The following FRMD7 variants were observed in gnomAD, a reference collection of about 807,000 sequenced individuals.
FRMD7 encodes FERM domain-containing protein 7.
FRMD7 carries 14 observed loss-of-function variants against 44.1 expected under a neutral mutation model. The observed-to-expected ratio is 0.32, with a 90% CI of 0.21 to 0.50. The LOEUF is 0.50. Among genes scored for constraint, FRMD7 ranks in the 20% least tolerant of loss-of-function variants. FRMD7 has a pLI of 0.99. For missense variants in FRMD7, 501 were observed against 522.3 expected (o/e 0.96, Z 0.40); for synonymous variants, 212 against 187.4 (o/e 1.13, Z -1.07).
In FRMD7 at chrX:132,077,985, G is replaced by A. The variant is rs1213344421; in HGVS notation, c.2032C>T (p.Arg678Cys). 6 of 1,209,136 alleles carry A rather than the reference G, an allele frequency of 5.0e-6. No individual in the cohort carries two copies. Among genetic ancestry groups the A allele is most frequent in the East Asian group, 3.0e-5 (1 of 33,739 alleles). The change falls in exon 12 of 12, where the codon CGC (arginine) becomes TGC (cysteine). Residue 678 changes from arginine (R) to cysteine (C), a missense_variant. This residue lies in a region of FRMD7 where 453 missense variants were observed against 452.7 expected (regional missense o/e 1.00). Transcript: ENST00000298542. Reference sequence around the variant, plus strand: ...AACTGTAGACTACCAGAAGACAGGCGGATTCTGGCCATGGGTGACCTTATT... The same window carrying A: ...AACTGTAGACTACCAGAAGACAGGCAGATTCTGGCCATGGGTGACCTTATT... ...KEIRSPMARIRLSSGSLQLDE... is the reference protein window; with the variant it reads ...KEIRSPMARICLSSGSLQLDE...
intron 1 of FRMD7, among the ~76,000 whole-genome samples, chrX:132,108,890 G>A (rs774877755): frequency 2.3e-4 from 26 of 111,190 alleles, no homozygotes; most frequent in Admixed American, 4.8e-4. Flanking sequence ...GTGCCCGTCC[G>A]CCATGATTGT....
intron 1 of FRMD7, among the ~76,000 whole-genome samples, chrX:132,118,222 G>T (rs1396847673): frequency 9.0e-6 from 1 of 110,770 alleles, no homozygotes; most frequent in East Asian, 2.8e-4. Flanking sequence ...ACTTGCAGTT[G>T]TATGACCTTG....
At chrX:132,094,560 G>A (rs753697627) in intron 4 of FRMD7, among the ~76,000 whole-genome samples, 1 of 112,186 alleles carries the variant, frequency 8.9e-6, no homozygotes, top group South Asian at 3.7e-4. Flanking sequence ...AACTTAGGAG[G>A]TTGGTGGAGC....
intron 1 of FRMD7, among the ~76,000 whole-genome samples, chrX:132,110,565 A>G (rs1928752404): frequency 9.0e-6 from 1 of 111,460 alleles, no homozygotes; most frequent in South Asian, 3.8e-4. Context: ...ACCTTTATGC[A>G]TCACTTTGCT....
chrX:132,103,486 GTCTATCTATCTATCTA>G (rs34605425), intron 1 of FRMD7, among the ~76,000 whole-genome samples: 133 of 98,368 alleles, frequency 1.4e-3, no homozygotes, highest in South Asian at 9.5e-3. Flanking sequence ...GCCTTTAAAT[GTCTATCTATCTATCTA>G]TCTATCTATC....
In FRMD7 at chrX:132,078,550, A is replaced by G; in HGVS notation, c.1467T>C (p.Gly489=). 4 of 1,211,691 alleles carry G rather than the reference A, an allele frequency of 3.3e-6. No homozygotes were observed. The highest frequency in any genetic ancestry group is 4.5e-6 in the Non-Finnish European group (4 of 895,442). The change falls in exon 12 of 12, where the codon GGT becomes GGC. Residue 489 remains glycine (G), a synonymous_variant. Coordinates refer to ENST00000298542, the MANE Select transcript of FRMD7 (RefSeq NM_194277.3). ...PYIPCTGQQV[G]IMPPQVFFYV... is the part of the protein sequence containing the mutation. ...AAAAAAAGACCTGGGGAGGCATAATACCAACCTGCTGACCTGTACAAGGAA... is the reference window on the plus strand; with the variant it reads ...AAAAAAAGACCTGGGGAGGCATAATGCCAACCTGCTGACCTGTACAAGGAA...
rs150701717 is a variant in FRMD7, at chrX:132,088,557, C to CA, written c.383-2524dup. On this transcript the variant is annotated intron_variant, in intron 5 of 11. Coordinates refer to ENST00000298542, the MANE Select transcript of FRMD7 (RefSeq NM_194277.3). ...TGGGTGAATGAGTGAGGCCCTGTCT[C>CA]AAAAAAAAAAAAAGGAAAAAAAGGA... Among the ~76,000 whole-genome samples, 454 of 70,323 alleles carry CA rather than the reference C, an allele frequency of 6.5e-3. 5 individuals are homozygous for CA. The highest frequency in any genetic ancestry group is 0.015 in the African/African-American group (303 of 20,366). The allele number at this position is 70,323 out of a possible 115,157, so 61.1% of individuals were successfully genotyped here. A position where few individuals can be genotyped will look rare whatever the true frequency, so the allele number is the denominator to read the frequency against.
At chrX:132,094,011 G>T in intron 5 of FRMD7, 31 bp downstream of exon 5, 1 of 896,532 alleles carries the variant, frequency 1.1e-6, no homozygotes. Context: ...TGGCTGATAG[G>T]TCCCAAAGCA....
At chrX:132,082,226 G>T in intron 9 of FRMD7, 137 bp downstream of exon 9, 4 of 600,401 alleles carry the variant, frequency 6.7e-6, no homozygotes, top group Non-Finnish European at 1.2e-5. Context: ...TACAGAGAAT[G>T]AGCAGGAAAG....
chrX:132,111,960 A>G (rs767781244), intron 1 of FRMD7, among the ~76,000 whole-genome samples: 1 of 112,187 alleles, frequency 8.9e-6, no homozygotes, highest in Non-Finnish European at 1.9e-5. Context: ...ACATCCAGGA[A>G]TCTCAGAACT....
intron 1 of FRMD7, among the ~76,000 whole-genome samples, chrX:132,120,584 C>T (rs185881886): frequency 3.1e-4 from 35 of 112,848 alleles, no homozygotes; most frequent in Non-Finnish European, 5.8e-4. Flanking sequence ...GTTCCCTCCT[C>T]CTTTCAGCTG....
At chrX:132,095,717 G>A (rs1928311990) in intron 4 of FRMD7, among the ~76,000 whole-genome samples, 1 of 112,429 alleles carries the variant, frequency 8.9e-6, no homozygotes, top group Non-Finnish European at 1.9e-5. Flanking sequence ...TATTAGCCTA[G>A]ACAAGGCATC....
In FRMD7 at chrX:132,103,189, A is replaced by C. The variant is rs186566011; in HGVS notation, c.58-2473T>G. Among the ~76,000 whole-genome samples the C allele has an allele frequency of 8.9e-5, 10 of 112,029 alleles. No homozygotes were observed. The East Asian group carries it at 1.7e-3, about 19-fold the overall frequency. ...GGTAAGGTCTTGGTTCTGTCTCAAC[A>C]TGCAGCCTTTAATTTTTTCTACCAT... On this transcript the variant is annotated intron_variant, in intron 1 of 11. Transcript: ENST00000298542.
intron 1 of FRMD7, among the ~76,000 whole-genome samples, chrX:132,118,424 G>C (rs759544715): frequency 2.0e-5 from 2 of 102,326 alleles, no homozygotes; most frequent in East Asian, 6.1e-4. Context: ...AGGGAAAAAA[G>C]AAAAAAAAAA....
intron 1 of FRMD7, among the ~76,000 whole-genome samples, chrX:132,113,586 T>C (rs1489988385): frequency 8.9e-6 from 1 of 111,757 alleles, no homozygotes; most frequent in South Asian, 3.8e-4. Flanking sequence ...CTAGAACTTG[T>C]TTTTTTCATT....
intron 1 of FRMD7, among the ~76,000 whole-genome samples, chrX:132,117,298 C>T (rs5933079): frequency 0.33 from 35,971 of 110,451 alleles, 4,642 homozygotes; most frequent in African/African-American, 0.44. Flanking sequence ...GCCCTGCCGT[C>T]ATGAGAAGAA....
intron 5 of FRMD7, among the ~76,000 whole-genome samples, chrX:132,091,670 C>CAAA (rs35822147): frequency 1.0e-4 from 5 of 48,123 alleles, no homozygotes; most frequent in African/African-American, 3.6e-4. Flanking sequence ...ACTAAAAATA[C>CAAA]AAAAAAAAAA....
chrX:132,083,213 CT>C (rs1251904409), intron 8 of FRMD7, among the ~76,000 whole-genome samples: 1 of 112,071 alleles, frequency 8.9e-6, no homozygotes, highest in African/African-American at 3.2e-5. Context: ...ACCTCAACCT[CT>C]TAAAGCACTG....
chrX:132,105,199 C>A (rs1928614120), intron 1 of FRMD7, among the ~76,000 whole-genome samples: 1 of 111,598 alleles, frequency 9.0e-6, no homozygotes, highest in African/African-American at 3.3e-5. Flanking sequence ...AAAGGGAATA[C>A]AATCAGAAGT....
Sources: gnomAD v4.1 joint callset for allele counts (sites outside exome capture counted in the v4.1 genomes callset) on GRCh38, gnomAD v4.1.1 for gene constraint, gnomAD v4.1.1 regional missense constraint, MANE v1.5 for transcripts, NCBI Gene and HGNC (gene_info 2026-07-23, HGNC 2026-07-21) for gene names.